B3GAT2: variants seen among roughly 807,000 people sequenced by gnomAD.
B3GAT2 encodes beta-1,3-glucuronyltransferase 2.
In B3GAT2, 26 loss-of-function variants were observed where a neutral mutation model predicts 27.8. That is an observed-to-expected ratio of 0.93 (90% CI 0.68 to 1.30). The LOEUF (loss-of-function observed/expected upper bound fraction) is 1.30, where lower values mean the gene tolerates loss of function less well. Ranked by LOEUF, B3GAT2 falls within the 50% of genes most tolerant of loss-of-function variation. The pLI is 0.00. For missense variants in B3GAT2, 458 were observed against 459.0 expected (o/e 1.00, Z 0.02); for synonymous variants, 218 against 195.1 (o/e 1.12, Z -0.98).
At chr6:70,905,000 G>A (rs1388272389) in intron 1 of B3GAT2, among the ~76,000 whole-genome samples, 1 of 152,180 alleles carries the variant, frequency 6.6e-6, no homozygotes, top group East Asian at 1.9e-4. Context: ...CCTATGTGGT[G>A]TCCTTGACAA....
At chr6:70,906,317 C>T (rs1439640268) in intron 1 of B3GAT2, among the ~76,000 whole-genome samples, 1 of 152,074 alleles carries the variant, frequency 6.6e-6, no homozygotes, top group Non-Finnish European at 1.5e-5. Context: ...CACGACCACA[C>T]ACATACCTAG....
chr6:70,934,770 A>C lies in B3GAT2; in HGVS notation c.591+21069T>G, dbSNP rs200438505. Among the ~76,000 whole-genome samples, 9 of 152,338 alleles carry C rather than the reference A, an allele frequency of 5.9e-5. No homozygotes were observed. The East Asian group carries it at 1.7e-3, about 29-fold the overall frequency. On this transcript the variant is annotated intron_variant, in intron 1 of 3. Coordinates refer to ENST00000230053, the MANE Select transcript of B3GAT2 (RefSeq NM_080742.3). ...AAAAAGTTGACCTAATAGGAATGAA[A>C]TTTATACTAAATTCTATCTCTAGCA...
At chr6:70,905,332 T>C (rs1056302912) in intron 1 of B3GAT2, among the ~76,000 whole-genome samples, 1 of 152,214 alleles carries the variant, frequency 6.6e-6, no homozygotes, top group Non-Finnish European at 1.5e-5. Flanking sequence ...ATGAGCTTTG[T>C]CTATTTCACT....
chr6:70,866,831 A>T (rs937564977), intron 2 of B3GAT2, among the ~76,000 whole-genome samples: 1 of 152,236 alleles, frequency 6.6e-6, no homozygotes, highest in Non-Finnish European at 1.5e-5. Context: ...AATGACATTT[A>T]TAGAACACTC....
intron 2 of B3GAT2, among the ~76,000 whole-genome samples, chr6:70,871,133 T>G (rs1771927690): frequency 6.6e-6 from 1 of 151,454 alleles, no homozygotes; most frequent in African/African-American, 2.4e-5. Context: ...TTCTATATGT[T>G]GCTCAATTCA....
chr6:70,949,411 T>G (rs1391473288), intron 1 of B3GAT2, among the ~76,000 whole-genome samples: 1 of 152,092 alleles, frequency 6.6e-6, no homozygotes, highest in African/African-American at 2.4e-5. Flanking sequence ...AACAGACACT[T>G]CTCAAAAGAA....
At chr6:70,946,041 C>G (rs1257298595) in intron 1 of B3GAT2, among the ~76,000 whole-genome samples, 1 of 151,992 alleles carries the variant, frequency 6.6e-6, no homozygotes, top group Non-Finnish European at 1.5e-5. Flanking sequence ...TTGCCACCAC[C>G]AGGCCTGCCC....
At position 70,956,716 on chromosome 6, in the gene B3GAT2, C is replaced by T; in HGVS notation, c.-287G>A. On this transcript the variant is annotated 5_prime_UTR_variant, in exon 1 of 4. Transcript: ENST00000230053. ...AAGCGGGACTCGGTCCAGCCGCGCG[C>T]CGCCGGTCCCGGAGTTGTGCCGAGT... The T allele has an allele frequency of 3.8e-6, 5 of 1,332,708 alleles. No homozygotes were observed. In the South Asian group the frequency reaches 6.4e-5, roughly 17 times the overall value. The allele number at this position is 1,332,708 out of a possible 1,614,324, so 82.6% of individuals were successfully genotyped here. A position where few individuals can be genotyped will look rare whatever the true frequency, so the allele number is the denominator to read the frequency against.
intron 1 of B3GAT2, among the ~76,000 whole-genome samples, chr6:70,928,421 C>T (rs561035449): frequency 6.7e-6 from 1 of 149,478 alleles, no homozygotes; most frequent in African/African-American, 2.4e-5. Context: ...AAAAGATCAA[C>T]AAAATTGATA....
At chr6:70,910,645 T>C (rs1462565878) in intron 1 of B3GAT2, among the ~76,000 whole-genome samples, 1 of 152,208 alleles carries the variant, frequency 6.6e-6, no homozygotes, top group Non-Finnish European at 1.5e-5. Flanking sequence ...TGTGTGTGCA[T>C]GTGTCTTTAT....
intron 2 of B3GAT2, among the ~76,000 whole-genome samples, chr6:70,884,259 T>C (rs1772147103): frequency 6.6e-6 from 1 of 152,108 alleles, no homozygotes; most frequent in Admixed American, 6.6e-5. Flanking sequence ...CCCGCTGAAT[T>C]AGACCCTCCT....
chr6:70,894,856 A>C (rs545693382), intron 1 of B3GAT2, among the ~76,000 whole-genome samples: 1 of 152,340 alleles, frequency 6.6e-6, no homozygotes, highest in South Asian at 2.1e-4. Context: ...AATTGGGCCA[A>C]ACTAGAGACC....
chr6:70,859,545 T>TGTAA lies in B3GAT2; in HGVS notation c.*2114_*2117dup, dbSNP rs201006577. ...ATTAAGAACACAGTCTAACTCTGAG[T>TGTAA]GTAAGTTTTAAACCCACTCACTATA... On this transcript the variant is annotated 3_prime_UTR_variant, in exon 4 of 4. Transcript: ENST00000230053. The TGTAA allele has an allele frequency of 1.5e-3, 898 of 600,614 alleles. 15 individuals carry two copies. The East Asian group carries it at 0.022, about 15-fold the overall frequency. The allele number at this position is 600,614 out of a possible 1,614,324, so 37.2% of individuals were successfully genotyped here.
intron 2 of B3GAT2, 148 bp from the exon 3 acceptor site, chr6:70,862,126 C>G: frequency 1.4e-6 from 1 of 691,384 alleles, no homozygotes; most frequent in East Asian, 2.7e-5. Context: ...GGAACATTAC[C>G]TGTATTACAG....
At chr6:70,862,011 T>A in intron 2 of B3GAT2, 33 bp from the exon 3 acceptor site, 1 of 1,542,202 alleles carries the variant, frequency 6.5e-7, no homozygotes, top group Non-Finnish European at 8.7e-7. Context: ...AAAGAGACTT[T>A]AAAATCCTGG....
At chr6:70,935,808 G>A (rs528218520) in intron 1 of B3GAT2, among the ~76,000 whole-genome samples, 10 of 152,128 alleles carry the variant, frequency 6.6e-5, no homozygotes, top group Admixed American at 1.3e-4. Flanking sequence ...ATGCCAAAAC[G>A]TAAAGACCAT....
At chr6:70,923,312 T>C (rs1772901886) in intron 1 of B3GAT2, among the ~76,000 whole-genome samples, 1 of 152,194 alleles carries the variant, frequency 6.6e-6, no homozygotes, top group Admixed American at 6.5e-5. Context: ...CTTCTTTCTG[T>C]GTTCCAGAAT....
At chr6:70,872,600 G>A (rs1771955650) in intron 2 of B3GAT2, among the ~76,000 whole-genome samples, 1 of 134,976 alleles carries the variant, frequency 7.4e-6, no homozygotes, top group East Asian at 2.2e-4. Flanking sequence ...TAACATGTTT[G>A]TCTTGTAGAC....
chr6:70,939,462 G>T (rs1765351075), intron 1 of B3GAT2, among the ~76,000 whole-genome samples: 1 of 151,000 alleles, frequency 6.6e-6, no homozygotes. Flanking sequence ...GTTTATTGCA[G>T]CACTATTCAC....
Sources: allele counts gnomAD v4.1 joint callset (sites outside exome capture counted in the v4.1 genomes callset), GRCh38; gene constraint gnomAD v4.1.1; transcripts MANE v1.5; gene names NCBI Gene and HGNC (gene_info 2026-07-23, HGNC 2026-07-21).